The following ALX1 variants were observed in gnomAD, a reference collection of about 807,000 sequenced individuals.
ALX1 encodes the protein ALX homeobox 1.
A neutral mutation model predicts 31.7 loss-of-function variants in ALX1; 19 were observed. That is an observed-to-expected ratio of 0.60 (90% confidence interval 0.42 to 0.88). ALX1 has a LOEUF of 0.88. Among genes scored for constraint, ALX1 ranks in the 40% least tolerant of loss-of-function variants. The probability of loss-of-function intolerance (pLI) is 0.00; values close to 1 mark genes in which losing one functional copy is unlikely to be tolerated. For synonymous variants in ALX1, 153 were observed against 148.8 expected (o/e 1.03, Z -0.20); for missense variants, 415 against 407.8 (o/e 1.02, Z -0.15).
rs756413028 is a variant in ALX1 at position 85,286,999 on chromosome 12, G to A, written c.660+18G>A. 6.2e-7 allele frequency: 1 copy of A among 1,610,994 alleles called. No individual in the cohort carries two copies. The highest frequency in any genetic ancestry group is 1.7e-4 in the Middle Eastern group (1 of 6,048). ...ACCCACAGGTATGCTAAACTACACA[G>A]AATACTGATCAAGAAAAGGATATTT... On this transcript the variant is annotated intron_variant, in intron 3 of 3. Coordinates refer to ENST00000316824, the MANE Select transcript of ALX1 (RefSeq NM_006982.3).
At position 85,286,895 on chromosome 12, in the gene ALX1, C is replaced by G; in HGVS notation, c.574C>G (p.Arg192Gly). The G allele has an allele frequency of 6.2e-7, 1 of 1,611,454 alleles. No homozygotes were observed. The highest frequency in any genetic ancestry group is 1.1e-5 in the South Asian group (1 of 90,926). ...NRRAKWRKRE[R>G]YGQIQQAKSH... ...AAGGGCCAAATGGAGAAAAAGGGAACGTTATGGCCAAATACAACAAGCGAA... is the reference window on the plus strand; with the variant it reads ...AAGGGCCAAATGGAGAAAAAGGGAAGGTTATGGCCAAATACAACAAGCGAA... The change falls in exon 3 of 4, where the codon CGT becomes GGT. Residue 192 changes from arginine (R) to glycine (G), a missense_variant. Arg to Gly is a moderately radical substitution (Grantham distance 125, BLOSUM62 -2). Around this residue, in one of 3 missense-constraint regions of ALX1, gnomAD observed 174 missense variants for 177.5 expected, o/e 0.98. Coordinates refer to ENST00000316824, the MANE Select transcript of ALX1 (RefSeq NM_006982.3).
intron 3 of ALX1, among the ~76,000 whole-genome samples, chr12:85,300,783 C>A (rs1512733): frequency 0.5 from 75,518 of 151,864 alleles, 22,436 homozygotes; most frequent in South Asian, 0.67. Flanking sequence ...TTTAGAAAGA[C>A]AAAAACTATC....
At chr12:85,282,897 T>TAA (rs112890587) in intron 1 of ALX1, among the ~76,000 whole-genome samples, 3,506 of 146,248 alleles carry the variant, frequency 0.024, 130 homozygotes, top group African/African-American at 0.082. Context: ...AGTTTTTAGG[T>TAA]AAAAAAAAAA....
intron 3 of ALX1, among the ~76,000 whole-genome samples, chr12:85,293,666 T>C (rs1441714025): frequency 6.6e-6 from 1 of 151,018 alleles, no homozygotes; most frequent in African/African-American, 2.4e-5. Flanking sequence ...AATCAGTAAG[T>C]TGAATAGATA....
intron 3 of ALX1, among the ~76,000 whole-genome samples, chr12:85,291,862 T>C (rs369451108): frequency 2.8e-4 from 43 of 151,100 alleles, no homozygotes; most frequent in African/African-American, 1.0e-3. Flanking sequence ...TTAACATTAA[T>C]GACTATGAGC....
At chr12:85,283,488 A>G in intron 1 of ALX1, 84 bp from the exon 2 acceptor site, 1 of 1,395,834 alleles carries the variant, frequency 7.2e-7, no homozygotes, top group Non-Finnish European at 1.0e-6. Flanking sequence ...ATTTCTTGAT[A>G]CTCTCAATTA....
intron 3 of ALX1, among the ~76,000 whole-genome samples, chr12:85,292,558 A>G (rs1896831925): frequency 6.6e-6 from 1 of 151,192 alleles, no homozygotes; most frequent in Non-Finnish European, 1.5e-5. Flanking sequence ...GATTCAAGTT[A>G]TAGGTAATTT....
intron 3 of ALX1, among the ~76,000 whole-genome samples, chr12:85,291,744 C>T (rs1475113253): frequency 1.3e-5 from 2 of 150,464 alleles, no homozygotes; most frequent in Non-Finnish European, 3.0e-5. Flanking sequence ...ATGATCAAGA[C>T]GATGATGGTT....
chr12:85,293,882 A>T (rs939827061), intron 3 of ALX1, among the ~76,000 whole-genome samples: 1 of 151,210 alleles, frequency 6.6e-6, no homozygotes, highest in Non-Finnish European at 1.5e-5. Flanking sequence ...ACTTTAATCC[A>T]GAATTATATG....
chr12:85,297,294 G>A (rs758997496), intron 3 of ALX1, among the ~76,000 whole-genome samples: 3 of 151,518 alleles, frequency 2.0e-5, no homozygotes, highest in African/African-American at 7.3e-5. Context: ...AAGGGTAAAC[G>A]GTATTGATAA....
chr12:85,295,201 A>G (rs931402601), intron 3 of ALX1, among the ~76,000 whole-genome samples: 1 of 151,374 alleles, frequency 6.6e-6, no homozygotes, highest in East Asian at 1.9e-4. Flanking sequence ...TGGTAAATTC[A>G]ATATTTAAAG....
chr12:85,287,039 T>C (rs1896758131), intron 3 of ALX1, 58 bp downstream of exon 3: 2 of 1,589,544 alleles, frequency 1.3e-6, no homozygotes, highest in Non-Finnish European at 1.7e-6. Context: ...TGTATATTCT[T>C]AAAATGGTTA....
At chr12:85,285,904 T>C (rs1896740902) in intron 2 of ALX1, among the ~76,000 whole-genome samples, 1 of 151,916 alleles carries the variant, frequency 6.6e-6, no homozygotes, top group South Asian at 2.1e-4. Flanking sequence ...AGTGAAGATA[T>C]TGGAATATTA....
At chr12:85,281,194 C>G (rs1338719201) in intron 1 of ALX1, among the ~76,000 whole-genome samples, 1 of 152,178 alleles carries the variant, frequency 6.6e-6, no homozygotes, top group Non-Finnish European at 1.5e-5. Context: ...CCAGATTCTA[C>G]GTTTTGTATT....
intron 3 of ALX1, among the ~76,000 whole-genome samples, chr12:85,298,811 G>A (rs369414572): frequency 2.6e-5 from 4 of 151,816 alleles, no homozygotes; most frequent in Non-Finnish European, 3.0e-5. Flanking sequence ...TGCATATAAC[G>A]TGCTTGATCA....
At chr12:85,288,579 C>T (rs866159676) in intron 3 of ALX1, among the ~76,000 whole-genome samples, 4 of 151,486 alleles carry the variant, frequency 2.6e-5, no homozygotes, top group Non-Finnish European at 5.9e-5. Flanking sequence ...ACTGCAGTGT[C>T]TTCATGGTTA....
At chr12:85,285,435 C>A (rs1026984491) in intron 2 of ALX1, among the ~76,000 whole-genome samples, 43 of 151,956 alleles carry the variant, frequency 2.8e-4, no homozygotes, top group African/African-American at 1.0e-3. Context: ...GCGGAGACAG[C>A]AAGAAAATTT....
At chr12:85,282,880 C>G (rs931076892) in intron 1 of ALX1, among the ~76,000 whole-genome samples, 7 of 148,750 alleles carry the variant, frequency 4.7e-5, no homozygotes, top group Non-Finnish European at 8.8e-5. Context: ...TTAAAAAGAA[C>G]TGCGTAAGTT....
Position 85,301,235 on chromosome 12 carries a change from C to G in ALX1, c.741C>G (p.Ser247=). 1 of 1,614,048 alleles carries G rather than the reference C, an allele frequency of 6.2e-7. No homozygotes were observed. The highest frequency in any genetic ancestry group is 8.5e-7 in the Non-Finnish European group (1 of 1,179,956). The change falls in exon 4 of 4, where the codon TCC becomes TCG. Residue 247 remains serine, a synonymous_variant. Transcript: ENST00000316824. ...GCATGTTACCACGTGACACTTCCTCCTGTATGACACCTTATTCTCACTCGC... is the reference window on the plus strand; with the variant it reads ...GCATGTTACCACGTGACACTTCCTCGTGTATGACACCTTATTCTCACTCGC... ...TSCMLPRDTS[S]CMTPYSHSPR...
Sources: allele counts gnomAD v4.1 joint callset (sites outside exome capture counted in the v4.1 genomes callset), GRCh38; gene constraint gnomAD v4.1.1; regional missense constraint gnomAD v4.1.1; transcripts MANE v1.5; gene names NCBI Gene and HGNC (gene_info 2026-07-23, HGNC 2026-07-21).